Variants in DISP3 observed in about 807,000 individuals in gnomAD.
DISP3 encodes the protein protein dispatched homolog 3.
DISP3 carries 101 observed loss-of-function variants against 135.3 expected under a neutral mutation model. The ratio of observed to expected loss-of-function variants is 0.75; its 90% CI spans 0.64 to 0.88. The LOEUF is 0.88. DISP3 is among the 40% of genes least tolerant of loss of function. The probability of loss-of-function intolerance (pLI) is 0.00; values close to 1 mark genes in which losing one functional copy is unlikely to be tolerated. For synonymous variants in DISP3, 856 were observed against 817.0 expected (o/e 1.05, Z -0.81); for missense variants, 1,713 against 1,878.6 (o/e 0.91, Z 1.63).
At position 11,519,363 on chromosome 1, in the gene DISP3, A is replaced by C. The variant is rs1257320793; in HGVS notation, c.1898A>C (p.Gln633Pro). 6.2e-7 allele frequency: 1 copy of C among 1,613,708 alleles called. No homozygotes were observed. Among genetic ancestry groups the C allele is most frequent in the South Asian group, 1.1e-5 (1 of 91,074 alleles). ...CCCTACTCTCTCCACAGCTGCCACC[A>C]GAATTGCAGCCGGAAGACCTCCCTG... ...LESSCQTSCH[Q>P]NCSRKTSLHF... Residue 633 changes from glutamine to proline, a missense_variant, in exon 8 of 21, where the codon CAG (glutamine) becomes CCG (proline). Coordinates refer to ENST00000294484, the MANE Select transcript of DISP3 (RefSeq NM_020780.2). This position sits in a 1 kb window ranked among gnomAD's most constrained non-coding sequence, Gnocchi z 4.3.
At chr1:11,502,203 G>C in intron 2 of DISP3, 115 bp downstream of exon 2, 1 of 1,429,790 alleles carries the variant, frequency 7.0e-7, no homozygotes. Flanking sequence ...GTCTGGAACT[G>C]AGTCCTGGGC....
intron 18 of DISP3, 128 bp downstream of exon 18, chr1:11,534,668 A>C: frequency 1.6e-6 from 2 of 1,278,302 alleles, no homozygotes; most frequent in Non-Finnish European, 2.1e-6. Flanking sequence ...ACCGGGTGGC[A>C]CGGTGGCTGG....
intron 13 of DISP3, among the ~76,000 whole-genome samples, chr1:11,528,374 C>A (rs571646112): frequency 6.6e-6 from 1 of 152,272 alleles, no homozygotes; most frequent in African/African-American, 2.4e-5. Flanking sequence ...TAAACACAGC[C>A]CTGCATCCAT....
intron 1 of DISP3, among the ~76,000 whole-genome samples, chr1:11,495,384 C>G (rs1641304510): frequency 6.6e-6 from 1 of 152,108 alleles, no homozygotes; most frequent in Non-Finnish European, 1.5e-5. Context: ...GAGCGAGACT[C>G]TGTCTCAAAA....
intron 1 of DISP3, among the ~76,000 whole-genome samples, chr1:11,495,191 A>T (rs1202843735): frequency 6.6e-6 from 1 of 152,142 alleles, no homozygotes; most frequent in East Asian, 1.9e-4. Flanking sequence ...GGAGTTCGAG[A>T]CCAGCCTGGC....
chr1:11,480,715 T>A (rs1358464928), intron 1 of DISP3, among the ~76,000 whole-genome samples: 2 of 117,774 alleles, frequency 1.7e-5, no homozygotes, highest in Admixed American at 8.4e-5. Context: ...ACACACACAC[T>A]GTCCTGCTCC....
Position 11,535,613 on chromosome 1 carries a change from C to T in DISP3, c.3785C>T (p.Ala1262Val), listed in dbSNP as rs764554184. 12 of 1,613,044 alleles carry T rather than the reference C, an allele frequency of 7.4e-6. No individual in the cohort carries two copies. Among genetic ancestry groups the T allele is most frequent in the Non-Finnish European group, 9.3e-6 (11 of 1,179,836 alleles). Residue 1262 changes from alanine (A) to valine (V), a missense_variant, in exon 20 of 21, where the codon GCT (alanine) becomes GTT (valine). Ala to Val is a moderately conservative substitution (Grantham distance 64). Transcript: ENST00000294484. ...CVHLVEGYLL[A>V]GENLPPHQAE... is the part of the protein sequence containing the mutation. ...CACCTGGTCGAGGGCTACCTGCTGG[C>T]TGGAGAGAACCTGCCCCCCCACCAG... is the stretch of plus-strand genomic sequence containing the variant.
Position 11,501,473 on chromosome 1 carries a change from C to T in DISP3, c.481C>T (p.Leu161Phe). The T allele has an allele frequency of 6.2e-7, 1 of 1,604,950 alleles. No homozygotes were observed. Among genetic ancestry groups the T allele is most frequent in the South Asian group, 1.1e-5 (1 of 90,286 alleles). ...CTCAGAGCAGCTGCAGCAGCTGCAT[C>T]TCGGCAACCGCTCGCGGCAAGCCTC... is the stretch of plus-strand genomic sequence containing the variant. ...LISEQLQQLH[L>F]GNRSRQASRA... is the part of the protein sequence containing the mutation. The change falls in exon 2 of 21, where the codon CTC becomes TTC. Residue 161 changes from leucine (L) to phenylalanine (F), a missense_variant. By Grantham distance (22) the Leu-to-Phe change is conservative. Transcript: ENST00000294484. This position sits in a 1 kb window ranked among gnomAD's most constrained non-coding sequence, Gnocchi z 4.9.
intron 1 of DISP3, among the ~76,000 whole-genome samples, chr1:11,494,713 A>T (rs1641282768): frequency 6.6e-6 from 1 of 152,196 alleles, no homozygotes; most frequent in African/African-American, 2.4e-5. Context: ...AGGGAAGGCA[A>T]AACATCCTGA....
chr1:11,520,949 G>T lies in DISP3; in HGVS notation c.2362+101G>T. The T allele has an allele frequency of 7.4e-7, 1 of 1,348,230 alleles. No homozygotes were observed. Among genetic ancestry groups the T allele is most frequent in the East Asian group, 2.5e-5 (1 of 39,324 alleles). The allele number at this position is 1,348,230 out of a possible 1,614,324, so 83.5% of individuals were successfully genotyped here. A position where few individuals can be genotyped will look rare whatever the true frequency, so the allele number is the denominator to read the frequency against. On this transcript the variant is annotated intron_variant, in intron 10 of 20. Transcript: ENST00000294484. This position sits in a 1 kb window ranked among gnomAD's most constrained non-coding sequence, Gnocchi z 4.8. The stretch of plus-strand genomic sequence containing the variant: ...GGATCCAGGGTCCCCATCAATGCCA[G>T]ACCTCAGGCAAATCCCACTCCCCTC...
At chr1:11,522,970 A>ACCCAGCCGGAG (rs200142888) in intron 10 of DISP3, among the ~76,000 whole-genome samples, 2 of 80,902 alleles carry the variant, frequency 2.5e-5, no homozygotes, top group African/African-American at 5.0e-5. Context: ...CCCAGCCAGG[A>ACCCAGCCGGAG]CCCAGCCGGA....
intron 10 of DISP3, 63 bp from the exon 11 acceptor site, chr1:11,523,879 C>G: frequency 7.4e-7 from 1 of 1,359,712 alleles, no homozygotes; most frequent in Non-Finnish European, 1.0e-6. Flanking sequence ...TTCCCTCTGC[C>G]CATCGGGCCC....
chr1:11,536,566 G>T lies in DISP3; in HGVS notation c.4059G>T (p.Arg1353=). 6.2e-7 allele frequency: 1 copy of T among 1,612,464 alleles called. No homozygotes were observed. Among genetic ancestry groups the T allele is most frequent in the South Asian group, 1.1e-5 (1 of 91,066 alleles). The part of the protein sequence containing the change: ...IMAPSSFTRT[R]TSFLKALGAV... ...CGCCCAGCTCTTTCACTCGGACCCG[G>T]ACTTCCTTCCTCAAGGCCCTGGGTG... is the stretch of plus-strand genomic sequence containing the variant. Residue 1353 remains arginine (R), a synonymous_variant, in exon 21 of 21, where the codon CGG becomes CGT. Transcript: ENST00000294484. The surrounding 1 kb of genome is among the most constrained non-coding windows in gnomAD (Gnocchi z 4.3).
In DISP3 at chr1:11,536,436, G is replaced by T; in HGVS notation, c.3929G>T (p.Cys1310Phe). The part of the protein sequence containing the change: ...TVIATVPLFF[C>F]IIAPFAKFGK... ...ATCGCCACAGTGCCCCTCTTCTTCTGCATCATCGCCCCATTTGCCAAGTTC... is the reference window on the plus strand; with the variant it reads ...ATCGCCACAGTGCCCCTCTTCTTCTTCATCATCGCCCCATTTGCCAAGTTC... The change falls in exon 21 of 21, where the codon TGC becomes TTC. Residue 1310 changes from cysteine (C) to phenylalanine (F), a missense_variant. By Grantham distance (205) the Cys-to-Phe change is radical. Coordinates refer to ENST00000294484, the MANE Select transcript of DISP3 (RefSeq NM_020780.2). The surrounding 1 kb of genome is among the most constrained non-coding windows in gnomAD (Gnocchi z 4.3). 6.2e-7 allele frequency: 1 copy of T among 1,613,430 alleles called. No individual in the cohort carries two copies. The highest frequency in any genetic ancestry group is 8.5e-7 in the Non-Finnish European group (1 of 1,179,978).
intron 7 of DISP3, among the ~76,000 whole-genome samples, chr1:11,518,839 G>A (rs545594652): frequency 5.9e-5 from 9 of 152,206 alleles, no homozygotes; most frequent in Admixed American, 5.9e-4. Context: ...GCTGGCACGT[G>A]GCAGTGGTAT....
In DISP3 at chr1:11,501,083, G is replaced by A; in HGVS notation, c.91G>A (p.Ala31Thr). 1.9e-6 allele frequency: 3 copies of A among 1,614,074 alleles called. No homozygotes were observed. The highest frequency in any genetic ancestry group is 1.7e-4 in the Middle Eastern group (1 of 6,046). Residue 31 changes from alanine (A) to threonine (T), a missense_variant, in exon 2 of 21, where the codon GCC becomes ACC. Physicochemically the swap from Ala to Thr is moderately conservative, Grantham distance 58. Around this residue, in one of 2 missense-constraint regions of DISP3, gnomAD observed 571 missense variants for 494.1 expected, o/e 1.16. Coordinates refer to ENST00000294484, the MANE Select transcript of DISP3 (RefSeq NM_020780.2). This position sits in a 1 kb window ranked among gnomAD's most constrained non-coding sequence, Gnocchi z 4.9. Reference protein sequence around the residue: ...EEATGETFLGAQKPGPQPGAG... With the variant: ...EEATGETFLGTQKPGPQPGAG... ...AGCAACGGGTGAAACCTTTTTAGGG[G>A]CCCAGAAGCCAGGGCCCCAACCTGG...
rs1164794394 is a variant in DISP3 at position 11,536,784 on chromosome 1, G to A, written c.*98G>A. On this transcript the variant is annotated 3_prime_UTR_variant, in exon 21 of 21. Coordinates refer to ENST00000294484, the MANE Select transcript of DISP3 (RefSeq NM_020780.2). This position sits in a 1 kb window ranked among gnomAD's most constrained non-coding sequence, Gnocchi z 4.3. ...TTCAGCTAGCTGTGTCCCCAGGCCTGGGCCCAGGGCGCCCTGCGGGCCAGC... is the reference window on the plus strand; with the variant it reads ...TTCAGCTAGCTGTGTCCCCAGGCCTAGGCCCAGGGCGCCCTGCGGGCCAGC... 3 of 1,409,062 alleles carry A rather than the reference G, an allele frequency of 2.1e-6. No homozygotes were observed. The African/African-American group carries it at 4.4e-5, about 21-fold the overall frequency. 87.3% of individuals were successfully genotyped at this position (1,409,062 alleles called of 1,614,324 possible). A position where few individuals can be genotyped will look rare whatever the true frequency, so the allele number is the denominator to read the frequency against.
At chr1:11,524,233 G>A (rs1485602690) in intron 11 of DISP3, among the ~76,000 whole-genome samples, 178 bp downstream of exon 11, 4 of 151,896 alleles carry the variant, frequency 2.6e-5, no homozygotes, top group Admixed American at 2.0e-4. Context: ...CTCCCATCCC[G>A]CCAGGACAGT....
At chr1:11,533,536 C>T (rs1570152212) in intron 17 of DISP3, 4 of 501,518 alleles carry the variant, frequency 8.0e-6, no homozygotes, top group Non-Finnish European at 1.4e-5. Context: ...GGATTATAGG[C>T]GTGAGCCACT....
Sources: allele counts gnomAD v4.1 joint callset (sites outside exome capture counted in the v4.1 genomes callset), GRCh38; gene constraint gnomAD v4.1.1; regional missense constraint gnomAD v4.1.1; non-coding constraint Gnocchi (gnomAD v3.1); transcripts MANE v1.5; gene names NCBI Gene and HGNC (gene_info 2026-07-23, HGNC 2026-07-21).